The following ZNF107 variants were observed in gnomAD, a reference collection of about 807,000 sequenced individuals.
The protein encoded by ZNF107 is zinc finger protein 107.
ZNF107 carries 19 observed loss-of-function variants against 12.3 expected under a neutral mutation model. The ratio of observed to expected loss-of-function variants is 1.55; its 90% CI spans 1.08 to 2.27. The LOEUF is 2.27. Ranked by LOEUF, ZNF107 falls within the 30% of genes most tolerant of loss-of-function variation. ZNF107 has a pLI of 0.00. For synonymous variants in ZNF107, 317 were observed against 330.5 expected (o/e 0.96, Z 0.44); for missense variants, 958 against 979.9 (o/e 0.98, Z 0.30).
intron 3 of ZNF107, among the ~76,000 whole-genome samples, chr7:64,706,112 T>C (rs1452718428): frequency 6.6e-6 from 1 of 152,196 alleles, no homozygotes; most frequent in African/African-American, 2.4e-5. Flanking sequence ...CCTAGGGCAC[T>C]GCACACACTG....
intron 1 of ZNF107, among the ~76,000 whole-genome samples, chr7:64,674,707 T>C (rs1247816772): frequency 1.3e-5 from 2 of 152,250 alleles, no homozygotes; most frequent in Admixed American, 1.3e-4. Context: ...CTTCTAGCTT[T>C]GTCCATTCCA....
intron 3 of ZNF107, among the ~76,000 whole-genome samples, chr7:64,697,908 C>T (rs1452878163): frequency 6.6e-6 from 1 of 152,118 alleles, no homozygotes; most frequent in African/African-American, 2.4e-5. Context: ...TCTCGAACTC[C>T]TGACCTCGTG....
chr7:64,669,319 T>C (rs1465479030), intron 1 of ZNF107: 1 of 152,106 alleles, frequency 6.6e-6, no homozygotes, highest in African/African-American at 2.4e-5. Flanking sequence ...TGGTTAATGC[T>C]AAATTTTATG....
rs1306793338 is a variant in ZNF107, at chr7:64,709,460, C to T, written c.*804C>T. ...AGATAATACTGAAAACTTTACAAAC[C>T]TGAATGATGTGACAATAATTTTGAC... is the stretch of plus-strand genomic sequence containing the variant. On this transcript the variant is annotated 3_prime_UTR_variant, in exon 4 of 4. Transcript: ENST00000620827. 2 of 344,226 alleles carry T rather than the reference C, an allele frequency of 5.8e-6. No homozygotes were observed. The highest frequency in any genetic ancestry group is 4.4e-5 in the Admixed American group (1 of 22,824). The allele number at this position is 344,226 out of a possible 1,614,324, so 21.3% of individuals were successfully genotyped here.
At chr7:64,705,288 TA>T (rs1237041635) in intron 3 of ZNF107, among the ~76,000 whole-genome samples, 2 of 151,990 alleles carry the variant, frequency 1.3e-5, no homozygotes, top group Non-Finnish European at 2.9e-5. Flanking sequence ...TTTTCTTTTA[TA>T]TTTTTAAGTT....
At chr7:64,689,511 C>T (rs1013976905) in intron 1 of ZNF107, 1 of 152,114 alleles carries the variant, frequency 6.6e-6, no homozygotes, top group Non-Finnish European at 1.5e-5. Flanking sequence ...AGATGAAGGC[C>T]ACAAAGTATC....
intron 1 of ZNF107, among the ~76,000 whole-genome samples, chr7:64,683,073 A>G (rs1438092758): frequency 1.3e-5 from 2 of 152,208 alleles, no homozygotes; most frequent in African/African-American, 4.8e-5. Context: ...TGTCCCACAC[A>G]TCTGTTATCG....
In ZNF107 at chr7:64,666,159, C is replaced by A; in HGVS notation, c.-124C>A. On this transcript the variant is annotated 5_prime_UTR_variant, in exon 1 of 4. Transcript: ENST00000620827. ...CCTTTGTCTCTGGCTGCAGCCGGAG[C>A]TCCTGCTCTCCTCCTCACTGCTCAG... 7.4e-7 allele frequency: 1 copy of A among 1,360,064 alleles called. No individual in the cohort carries two copies. Among genetic ancestry groups the A allele is most frequent in the African/African-American group, 1.4e-5 (1 of 69,150 alleles). The allele number at this position is 1,360,064 out of a possible 1,614,324, so 84.2% of individuals were successfully genotyped here.
intron 1 of ZNF107, among the ~76,000 whole-genome samples, chr7:64,680,314 T>A (rs185444351): frequency 1.4e-4 from 21 of 152,294 alleles, no homozygotes. Flanking sequence ...AATATTTAAC[T>A]CAGTCTTATA....
chr7:64,697,445 G>T (rs1237356297), intron 3 of ZNF107, among the ~76,000 whole-genome samples: 1 of 152,112 alleles, frequency 6.6e-6, no homozygotes, highest in African/African-American at 2.4e-5. Context: ...CAGTGTAAAA[G>T]CGTTCTTATT....
intron 1 of ZNF107, among the ~76,000 whole-genome samples, chr7:64,681,932 A>G (rs1789695174): frequency 6.7e-6 from 1 of 149,920 alleles, no homozygotes. Context: ...CCATTCCCCT[A>G]CATCCCTCCT....
At chr7:64,684,556 C>G (rs1789823250) in intron 1 of ZNF107, 1 of 984,586 alleles carries the variant, frequency 1.0e-6, no homozygotes, top group African/African-American at 1.7e-5. Flanking sequence ...TTGGAAGTCG[C>G]AAGTACTCTC....
intron 1 of ZNF107, among the ~76,000 whole-genome samples, chr7:64,682,538 T>G (rs1789725247): frequency 6.6e-6 from 1 of 152,136 alleles, no homozygotes; most frequent in South Asian, 2.1e-4. Context: ...CACCCAGCCC[T>G]TCTCTCTACA....
chr7:64,686,542 A>C (rs1316768990), intron 1 of ZNF107: 1 of 985,262 alleles, frequency 1.0e-6, no homozygotes. Flanking sequence ...TTTTCTTATT[A>C]AAACAAAAAG....
At chr7:64,683,423 A>G (rs1789766336) in intron 1 of ZNF107, among the ~76,000 whole-genome samples, 2 of 152,122 alleles carry the variant, frequency 1.3e-5, no homozygotes, top group Admixed American at 1.3e-4. Flanking sequence ...GGTGGCAAAC[A>G]CCTCAGTGTC....
At chr7:64,672,954 T>A (rs559508607) in intron 1 of ZNF107, among the ~76,000 whole-genome samples, 1 of 152,312 alleles carries the variant, frequency 6.6e-6, no homozygotes, top group South Asian at 2.1e-4. Context: ...CAGCATCTGT[T>A]ATTAACAACA....
chr7:64,668,955 CTG>C (rs1290588941), intron 1 of ZNF107: 1 of 145,218 alleles, frequency 6.9e-6, no homozygotes, highest in Non-Finnish European at 1.5e-5. Context: ...GTAAATACCT[CTG>C]TTCTATATCC....
intron 3 of ZNF107, among the ~76,000 whole-genome samples, chr7:64,699,246 T>C (rs1417566873): frequency 6.6e-6 from 1 of 152,206 alleles, no homozygotes; most frequent in African/African-American, 2.4e-5. Context: ...GTATGTTATA[T>C]TGACATCTTT....
Position 64,672,160 on chromosome 7 carries a change from CTTA to C in ZNF107, c.3+5881_3+5883del, listed in dbSNP as rs561552236. On this transcript the variant is annotated intron_variant, in intron 1 of 3. Transcript: ENST00000620827. ...GTTCCCCTCTTTGTGTCCATGTGTTCTTATTATTTAGCTCTTATACATGAGAAA... is the reference window on the plus strand; with the variant it reads ...GTTCCCCTCTTTGTGTCCATGTGTTCTTATTTAGCTCTTATACATGAGAAA... Among the ~76,000 whole-genome samples the C allele has an allele frequency of 1.4e-3, 210 of 151,980 alleles. 1 individual carries two copies. The highest frequency in any genetic ancestry group is 2.9e-3 in the South Asian group (14 of 4,814).
Sources: gnomAD v4.1 joint callset for allele counts (sites outside exome capture counted in the v4.1 genomes callset) on GRCh38, gnomAD v4.1.1 for gene constraint, MANE v1.5 for transcripts, NCBI Gene and HGNC (gene_info 2026-07-23, HGNC 2026-07-21) for gene names.